Variants in ADGRE1 observed in about 807,000 individuals in gnomAD.
ADGRE1 encodes the protein EGF-like module receptor 1.
Under a neutral mutation model 102.7 loss-of-function variants are expected in ADGRE1, and 82 were observed. The ratio of observed to expected loss-of-function variants is 0.80; its 90% confidence interval spans 0.67 to 0.96. ADGRE1 has a LOEUF of 0.96. ADGRE1 is among the 40% of genes least tolerant of loss of function. The probability of loss-of-function intolerance (pLI) is 0.00; values close to 1 mark genes in which losing one functional copy is unlikely to be tolerated. For synonymous variants in ADGRE1, 398 were observed against 399.6 expected, an observed-to-expected ratio of 1.00 and a Z score of 0.05; for missense variants, 1,032 against 1,085.3, an observed-to-expected ratio of 0.95 and a Z score of 0.69.
intron 13 of ADGRE1, among the ~76,000 whole-genome samples, chr19:6,920,812 C>T (rs1157306384): frequency 6.6e-6 from 1 of 152,100 alleles, no homozygotes; most frequent in Non-Finnish European, 1.5e-5. Flanking sequence ...GCCCACCCTT[C>T]TAGGATACAT....
intron 10 of ADGRE1, 84 bp from the exon 11 acceptor site, chr19:6,913,569 C>T (rs1974275728): frequency 7.5e-7 from 1 of 1,334,462 alleles, no homozygotes; most frequent in South Asian, 1.8e-5. Context: ...GGACTCCCAG[C>T]CTATTCTTAA....
At chr19:6,920,369 G>T (rs2354119) in intron 13 of ADGRE1, among the ~76,000 whole-genome samples, 1 of 150,974 alleles carries the variant, frequency 6.6e-6, no homozygotes, top group Non-Finnish European at 1.5e-5. Flanking sequence ...ACAGGCGCCC[G>T]CCACCATGAC....
chr19:6,931,308 A>C (rs1323260806), intron 17 of ADGRE1, among the ~76,000 whole-genome samples: 2 of 152,008 alleles, frequency 1.3e-5, no homozygotes, highest in African/African-American at 4.8e-5. Context: ...ATTTTTTTTA[A>C]TGGGGGGCAT....
At position 6,894,521 on chromosome 19, in the gene ADGRE1, C is replaced by A. The variant is rs1259479660; in HGVS notation, c.95-1877C>A. On this transcript the variant is annotated intron_variant, in intron 2 of 20. Transcript: ENST00000312053. ...GGCAAAGCAGAGGCAGAGGGAACAG[C>A]ATGTGCAAAGGCCCTGTGGTAGGAA... 2.0e-5 allele frequency among the ~76,000 whole-genome samples: 3 copies of A among 152,266 alleles called. No individual in the cohort carries two copies. In the East Asian group the frequency reaches 5.8e-4, roughly 29 times the overall value.
Position 6,940,026 on chromosome 19 carries a change from T to C in ADGRE1, c.2658T>C (p.Gly886=), listed in dbSNP as rs149923721. Residue 886 remains glycine, a splice_region_variant and synonymous_variant, in exon 21 of 21, where the codon GGT becomes GGC. Coordinates refer to ENST00000312053, the MANE Select transcript of ADGRE1 (RefSeq NM_001974.5). Reference sequence around the variant, plus strand: ...GGAAATTCTTTTCTCTCTCACAGGGTTAAAGTCCTTTCTTGCTTTCAAATA... The same window carrying C: ...GGAAATTCTTTTCTCTCTCACAGGGCTAAAGTCCTTTCTTGCTTTCAAATA... ...LSSMPSASKT[G] is the part of the protein sequence containing the mutation. 1,279 of 1,613,810 alleles carry C rather than the reference T, an allele frequency of 7.9e-4. 1 individual carries two copies. The highest frequency in any genetic ancestry group is 9.8e-4 in the Admixed American group (59 of 59,972).
intron 17 of ADGRE1, among the ~76,000 whole-genome samples, chr19:6,931,795 C>CA (rs60340459): frequency 0.39 from 57,253 of 145,748 alleles, 11,323 homozygotes; most frequent in Middle Eastern, 0.47. Context: ...GAGACTGTCT[C>CA]AAAAAAAAGA....
intron 10 of ADGRE1, among the ~76,000 whole-genome samples, chr19:6,909,185 G>C (rs1974082595): frequency 6.6e-6 from 1 of 151,574 alleles, no homozygotes; most frequent in Non-Finnish European, 1.5e-5. Context: ...AATGGATTGT[G>C]AATTAATATT....
chr19:6,923,419 C>A (rs1974754453), intron 14 of ADGRE1, among the ~76,000 whole-genome samples: 1 of 152,222 alleles, frequency 6.6e-6, no homozygotes, highest in African/African-American at 2.4e-5. Flanking sequence ...CTCTATAAGG[C>A]AATTGCCATT....
At chr19:6,906,970 G>A (rs1973982885) in intron 9 of ADGRE1, among the ~76,000 whole-genome samples, 1 of 152,120 alleles carries the variant, frequency 6.6e-6, no homozygotes, top group Non-Finnish European at 1.5e-5. Flanking sequence ...CTTAATAAAA[G>A]AACGGGAGAA....
At chr19:6,910,838 G>T (rs1974150615) in intron 10 of ADGRE1, among the ~76,000 whole-genome samples, 1 of 152,060 alleles carries the variant, frequency 6.6e-6, no homozygotes, top group Non-Finnish European at 1.5e-5. Flanking sequence ...CTCCCAAAGT[G>T]CTGGGATTAC....
intron 10 of ADGRE1, among the ~76,000 whole-genome samples, chr19:6,911,791 A>T (rs1599736593): frequency 1.2e-5 from 1 of 85,824 alleles, no homozygotes; most frequent in South Asian, 4.0e-4. Context: ...ATATACACAT[A>T]TAACATACAT....
intron 17 of ADGRE1, among the ~76,000 whole-genome samples, chr19:6,930,655 T>C (rs1215473339): frequency 6.6e-6 from 1 of 152,216 alleles, no homozygotes; most frequent in Non-Finnish European, 1.5e-5. Flanking sequence ...ATTTTTATTT[T>C]GAGACAGAGT....
intron 2 of ADGRE1, chr19:6,895,159 T>A (rs1353486006): frequency 2.6e-5 from 4 of 152,194 alleles, no homozygotes; most frequent in Non-Finnish European, 5.9e-5. Flanking sequence ...TCCCCGTGGT[T>A]GGAAATGGAT....
intron 6 of ADGRE1, among the ~76,000 whole-genome samples, chr19:6,903,180 G>C (rs956641955): frequency 6.6e-6 from 1 of 152,194 alleles, no homozygotes; most frequent in East Asian, 1.9e-4. Flanking sequence ...CTAGGGAAGG[G>C]GTAGTAACTT....
intron 5 of ADGRE1, among the ~76,000 whole-genome samples, chr19:6,900,525 C>T (rs1973728064): frequency 6.6e-6 from 1 of 152,132 alleles, no homozygotes; most frequent in Non-Finnish European, 1.5e-5. Flanking sequence ...AATTCCTCCA[C>T]TGTTTTCCAT....
At chr19:6,908,560 T>G in intron 9 of ADGRE1, 129 bp from the exon 10 acceptor site, 1 of 672,866 alleles carries the variant, frequency 1.5e-6, no homozygotes, top group Non-Finnish European at 2.4e-6. Context: ...CCCTGAGAAT[T>G]CTAGAGACTC....
intron 13 of ADGRE1, among the ~76,000 whole-genome samples, chr19:6,920,121 A>T (rs1377595629): frequency 6.6e-6 from 1 of 152,136 alleles, no homozygotes; most frequent in Non-Finnish European, 1.5e-5. Flanking sequence ...ATCTGATTGC[A>T]TCTTACAATG....
rs752109663 is a variant in ADGRE1, at chr19:6,908,681, G to A, written c.1039-8G>A. ...CAAATGCTCTTTTTTTTTTTTTCTG[G>A]GACGCAGGTCTCCTTTTGTGCACAA... On this transcript the variant is annotated splice_polypyrimidine_tract_variant and splice_region_variant and intron_variant, in intron 9 of 20. Transcript: ENST00000312053. The A allele has an allele frequency of 2.6e-6, 4 of 1,556,512 alleles. No homozygotes were observed. Among genetic ancestry groups the A allele is most frequent in the Admixed American group, 4.2e-5 (2 of 47,328 alleles).
rs145506821 is a variant in ADGRE1 at position 6,930,858 on chromosome 19, C to T, written c.2289+2647C>T. Among the ~76,000 whole-genome samples the T allele has an allele frequency of 5.1e-3, 771 of 152,090 alleles. 6 individuals are homozygous for T. Among genetic ancestry groups the T allele is most frequent in the African/African-American group, 0.018 (737 of 41,486 alleles). ...TTCGCCATGTTTTCCAGGCTGGTCTCGAATTCATGACCTCAGGTGACCCAC... is the reference window on the plus strand; with the variant it reads ...TTCGCCATGTTTTCCAGGCTGGTCTTGAATTCATGACCTCAGGTGACCCAC... On this transcript the variant is annotated intron_variant, in intron 17 of 20. Coordinates refer to ENST00000312053, the MANE Select transcript of ADGRE1 (RefSeq NM_001974.5).
Sources: allele counts gnomAD v4.1 joint callset (sites outside exome capture counted in the v4.1 genomes callset), GRCh38; gene constraint gnomAD v4.1.1; transcripts MANE v1.5; gene names NCBI Gene and HGNC (gene_info 2026-07-23, HGNC 2026-07-21).